The following DLGAP2 variants were observed in gnomAD, a reference collection of about 807,000 sequenced individuals.
DLGAP2 encodes disks large-associated protein 2.
Under a neutral mutation model 100.3 loss-of-function variants are expected in DLGAP2, and 26 were observed. The ratio of observed to expected loss-of-function variants is 0.26; its 90% confidence interval spans 0.19 to 0.36. The LOEUF (loss-of-function observed/expected upper bound fraction) is 0.36, where lower values mean the gene tolerates loss of function less well. Ranked by LOEUF, DLGAP2 falls within the 10% of genes least tolerant of loss-of-function variation. DLGAP2 has a pLI of 1.00. For synonymous variants in DLGAP2, 886 were observed against 630.1 expected, an observed-to-expected ratio of 1.41 and a Z score of -6.08; for missense variants, 1,858 against 1,453.2, an observed-to-expected ratio of 1.28 and a Z score of -4.53.
intron 6 of DLGAP2, chr8:1,622,390 G>A (rs1289290763): frequency 3.3e-5 from 5 of 152,218 alleles, no homozygotes; most frequent in African/African-American, 1.2e-4. Context: ...TTTACGTTGT[G>A]TATTTTCAAG....
At chr8:1,333,142 G>C (rs1801196518) in intron 3 of DLGAP2, among the ~76,000 whole-genome samples, 1 of 152,198 alleles carries the variant, frequency 6.6e-6, no homozygotes, top group South Asian at 2.1e-4. Context: ...CTGCAGGCGT[G>C]AGCACAAGGA....
intron 3 of DLGAP2, among the ~76,000 whole-genome samples, chr8:1,418,280 T>C (rs1796988648): frequency 6.6e-6 from 1 of 152,204 alleles, no homozygotes; most frequent in South Asian, 2.1e-4. Flanking sequence ...ATTTATTAAA[T>C]AGTATGGTCT....
chr8:1,542,053 G>T (rs1032876314), intron 4 of DLGAP2, among the ~76,000 whole-genome samples: 2 of 152,228 alleles, frequency 1.3e-5, no homozygotes, highest in Non-Finnish European at 2.9e-5. Context: ...CACATTCTTT[G>T]TTCTGTGGAG....
chr8:1,565,343 A>G (rs1381751571), intron 5 of DLGAP2, among the ~76,000 whole-genome samples: 2 of 151,452 alleles, frequency 1.3e-5, no homozygotes, highest in East Asian at 1.9e-4. Context: ...CAGTTTCTCA[A>G]CTTTCAATTT....
At chr8:1,193,692 G>T (rs925224745) in intron 2 of DLGAP2, among the ~76,000 whole-genome samples, 1 of 152,054 alleles carries the variant, frequency 6.6e-6, no homozygotes, top group African/African-American at 2.4e-5. Flanking sequence ...CCTGAGTCTC[G>T]CGTGGCTGGC....
intron 3 of DLGAP2, among the ~76,000 whole-genome samples, chr8:1,333,592 C>G (rs909959542): frequency 6.6e-6 from 1 of 152,246 alleles, no homozygotes; most frequent in African/African-American, 2.4e-5. Flanking sequence ...ACTGTGGAGC[C>G]CATATCAAGC....
chr8:1,209,554 C>G (rs79302005), intron 2 of DLGAP2, among the ~76,000 whole-genome samples: 1 of 152,036 alleles, frequency 6.6e-6, no homozygotes, highest in African/African-American at 2.4e-5. Context: ...CTATACTACT[C>G]TAATAAATTC....
chr8:942,973 C>G (rs541713462), intron 2 of DLGAP2, among the ~76,000 whole-genome samples: 9 of 152,226 alleles, frequency 5.9e-5, no homozygotes, highest in African/African-American at 2.2e-4. Flanking sequence ...CATCTATCAG[C>G]GCTGCTCATC....
intron 3 of DLGAP2, among the ~76,000 whole-genome samples, chr8:1,267,682 A>T (rs1004451929): frequency 6.6e-6 from 1 of 152,018 alleles, no homozygotes; most frequent in Non-Finnish European, 1.5e-5. Flanking sequence ...CATTTCCGTG[A>T]TGAGACGCCC....
intron 1 of DLGAP2, among the ~76,000 whole-genome samples, chr8:788,947 C>T (rs1032016665): frequency 3.3e-5 from 5 of 152,190 alleles, no homozygotes; most frequent in Non-Finnish European, 5.9e-5. Flanking sequence ...TGCCCTCAAC[C>T]GTCAACACCA....
chr8:1,623,646 C>T (rs150684673), intron 6 of DLGAP2, among the ~76,000 whole-genome samples: 82 of 152,098 alleles, frequency 5.4e-4, no homozygotes, highest in Non-Finnish European at 8.4e-4. Context: ...GACCTGGCAC[C>T]AGTGTGTGAT....
intron 2 of DLGAP2, among the ~76,000 whole-genome samples, chr8:916,694 C>G (rs1798601486): frequency 6.6e-6 from 1 of 152,106 alleles, no homozygotes; most frequent in Non-Finnish European, 1.5e-5. Flanking sequence ...AAAAAAGAAA[C>G]TCAATCCAGG....
chr8:1,061,043 G>T (rs747368927), intron 2 of DLGAP2, among the ~76,000 whole-genome samples: 1 of 152,178 alleles, frequency 6.6e-6, no homozygotes, highest in Non-Finnish European at 1.5e-5. Context: ...GTTCCCCCAC[G>T]TGGGCAGAGG....
chr8:1,267,357 G>A (rs1402953138), intron 3 of DLGAP2, among the ~76,000 whole-genome samples: 3 of 151,310 alleles, frequency 2.0e-5, no homozygotes. Context: ...CTTGAGGTCA[G>A]GAGCTTGAGA....
chr8:1,297,304 C>T (rs2116983254), intron 3 of DLGAP2: 1 of 152,382 alleles, frequency 6.6e-6, no homozygotes, highest in Admixed American at 6.5e-5. Context: ...CATGTCTCCC[C>T]TGCTGTTTAG....
chr8:1,680,882 T>C (rs890452544), intron 12 of DLGAP2: 1 of 152,238 alleles, frequency 6.6e-6, no homozygotes, highest in Non-Finnish European at 1.5e-5. Context: ...CAAATTAAAT[T>C]GCCAGCTCTG....
rs1820349979 is a variant in DLGAP2 at position 737,633 on chromosome 8, G to A, written c.-175G>A. The A allele has an allele frequency of 2.0e-5, 7 of 344,392 alleles. No homozygotes were observed. The highest frequency in any genetic ancestry group is 3.7e-5 in the Non-Finnish European group (7 of 191,462). The allele number at this position is 344,392 out of a possible 1,614,324, so 21.3% of individuals were successfully genotyped here. On this transcript the variant is annotated 5_prime_UTR_variant, in exon 1 of 15. Transcript: ENST00000637795. Reference sequence around the variant, plus strand: ...TGCGCAGGCGCCGGCCGTGAAGACCGACCGTGCGCCGGGCTCGAGCGCGGT... The same window carrying A: ...TGCGCAGGCGCCGGCCGTGAAGACCAACCGTGCGCCGGGCTCGAGCGCGGT...
At chr8:1,156,639 G>GCTCAGCGCCCCA (rs1554493440) in intron 2 of DLGAP2, among the ~76,000 whole-genome samples, 123,852 of 147,382 alleles carry the variant, frequency 0.84, 52,111 homozygotes, top group Non-Finnish European at 0.87. Context: ...CCAGCGCCCC[G>GCTCAGCGCCCCA]GCTCAGCGCC....
chr8:1,386,951 T>A (rs1796234779), intron 3 of DLGAP2, among the ~76,000 whole-genome samples: 1 of 152,214 alleles, frequency 6.6e-6, no homozygotes. Flanking sequence ...TGAGGATAGA[T>A]AATAATAGCT....
Sources: allele counts gnomAD v4.1 joint callset (sites outside exome capture counted in the v4.1 genomes callset), GRCh38; gene constraint gnomAD v4.1.1; transcripts MANE v1.5; gene names NCBI Gene and HGNC (gene_info 2026-07-23, HGNC 2026-07-21).